The following LRRTM4 variants were observed in gnomAD, a reference collection of about 807,000 sequenced individuals.
LRRTM4 encodes leucine rich repeat transmembrane neuronal 4, also known as leucine-rich repeat transmembrane neuronal protein 4.
A neutral mutation model predicts 47.6 loss-of-function variants in LRRTM4; 25 were observed. The ratio of observed to expected loss-of-function variants is 0.53; its 90% CI spans 0.38 to 0.73. The LOEUF (loss-of-function observed/expected upper bound fraction) is 0.73, where lower values mean the gene tolerates loss of function less well. Among genes scored for constraint, LRRTM4 ranks in the 30% least tolerant of loss-of-function variants. LRRTM4 has a pLI of 0.00. For missense variants in LRRTM4, 638 were observed against 713.4 expected, an observed-to-expected ratio of 0.89 and a Z score of 1.20; for synonymous variants, 311 against 269.5, an observed-to-expected ratio of 1.15 and a Z score of -1.51.
chr2:76,903,838 G>A (rs1442898959), intron 3 of LRRTM4, among the ~76,000 whole-genome samples: 2 of 152,142 alleles, frequency 1.3e-5, no homozygotes, highest in Admixed American at 6.5e-5. Context: ...AGAAAAGGTG[G>A]TATGCTTCTT....
Position 77,064,934 on chromosome 2 carries a change from C to A in LRRTM4, c.1552-316018G>T, listed in dbSNP as rs1405639907. Among the ~76,000 whole-genome samples the A allele has an allele frequency of 2.0e-5, 3 of 152,092 alleles. No homozygotes were observed. The South Asian group carries it at 6.2e-4, about 32-fold the overall frequency. The stretch of plus-strand genomic sequence containing the variant: ...CATCTCCTACATTCTGGAGCCTGCC[C>A]ATTCCCATACAACTAGTCCTTAGAT... On this transcript the variant is annotated intron_variant, in intron 3 of 3. Coordinates refer to ENST00000409884, the MANE Select transcript of LRRTM4 (RefSeq NM_001134745.3).
intron 3 of LRRTM4, among the ~76,000 whole-genome samples, chr2:77,051,655 T>A (rs888760401): frequency 1.3e-5 from 2 of 152,152 alleles, no homozygotes; most frequent in Non-Finnish European, 2.9e-5. Context: ...TTCTCTGGGA[T>A]AGATAGTACA....
At chr2:77,521,860 TATATATATATAC>T (rs1401914930) in intron 1 of LRRTM4, 42 bp from the exon 2 acceptor site, 3 of 281,156 alleles carry the variant, frequency 1.1e-5, no homozygotes, top group Non-Finnish European at 1.9e-5. Flanking sequence ...AAAAAATACA[TATATATATATAC>T]ATATATATAT....
At chr2:77,341,725 T>G (rs1420382733) in intron 3 of LRRTM4, among the ~76,000 whole-genome samples, 1 of 152,036 alleles carries the variant, frequency 6.6e-6, no homozygotes. Flanking sequence ...TGGGGAAAAC[T>G]AGGAAGTTTA....
intron 3 of LRRTM4, among the ~76,000 whole-genome samples, chr2:76,955,534 G>C (rs937936484): frequency 6.6e-6 from 1 of 151,740 alleles, no homozygotes; most frequent in South Asian, 2.1e-4. Flanking sequence ...AGAAGCAAGA[G>C]GAGAGGGTAA....
At chr2:77,477,923 GAAAGAAAGAAAGA>G (rs1677490180) in intron 3 of LRRTM4, among the ~76,000 whole-genome samples, 3 of 82,046 alleles carry the variant, frequency 3.7e-5, no homozygotes, top group African/African-American at 1.4e-4. Flanking sequence ...AAGAAAGAAA[GAAAGAAAGAAAGA>G]AAGAAAGAAA....
At chr2:76,919,901 C>T (rs1674380720) in intron 3 of LRRTM4, among the ~76,000 whole-genome samples, 1 of 152,136 alleles carries the variant, frequency 6.6e-6, no homozygotes, top group Non-Finnish European at 1.5e-5. Context: ...TAAACAGATG[C>T]AACAGCTGCA....
At chr2:77,141,545 C>G (rs1384868716) in intron 3 of LRRTM4, among the ~76,000 whole-genome samples, 1 of 152,052 alleles carries the variant, frequency 6.6e-6, no homozygotes, top group Non-Finnish European at 1.5e-5. Flanking sequence ...GGGTGCAGCA[C>G]ACCAACATGG....
At chr2:77,507,084 C>A (rs1678804969) in intron 3 of LRRTM4, among the ~76,000 whole-genome samples, 1 of 151,834 alleles carries the variant, frequency 6.6e-6, no homozygotes, top group East Asian at 1.9e-4. Context: ...TTATAAATAA[C>A]TTTATGTTTT....
chr2:77,251,970 T>A (rs1675630061), intron 3 of LRRTM4, among the ~76,000 whole-genome samples: 1 of 152,180 alleles, frequency 6.6e-6, no homozygotes, highest in South Asian at 2.1e-4. Flanking sequence ...AGCATGAATA[T>A]GTTAATTTAA....
intron 3 of LRRTM4, among the ~76,000 whole-genome samples, chr2:77,470,705 T>C (rs891150853): frequency 1.3e-5 from 2 of 152,150 alleles, no homozygotes; most frequent in African/African-American, 2.4e-5. Context: ...CTTTAGATTT[T>C]GCTTTTGTAG....
At chr2:77,084,188 C>T (rs1425284564) in intron 3 of LRRTM4, among the ~76,000 whole-genome samples, 1 of 152,090 alleles carries the variant, frequency 6.6e-6, no homozygotes, top group Admixed American at 6.5e-5. Context: ...CTTGCGGAAA[C>T]TTTCAATGAA....
intron 3 of LRRTM4, among the ~76,000 whole-genome samples, chr2:77,472,122 T>A (rs529140075): frequency 6.6e-6 from 1 of 152,242 alleles, no homozygotes; most frequent in African/African-American, 2.4e-5. Flanking sequence ...CTTTTTACGT[T>A]TTTGTGCTTT....
At chr2:77,151,530 G>C (rs1672430593) in intron 3 of LRRTM4, among the ~76,000 whole-genome samples, 1 of 152,092 alleles carries the variant, frequency 6.6e-6, no homozygotes, top group Non-Finnish European at 1.5e-5. Flanking sequence ...AACAACCCAA[G>C]TGTTCATCAA....
At chr2:77,005,374 A>C (rs1468454671) in intron 3 of LRRTM4, among the ~76,000 whole-genome samples, 1 of 152,088 alleles carries the variant, frequency 6.6e-6, no homozygotes, top group Non-Finnish European at 1.5e-5. Flanking sequence ...TGAACTCTTG[A>C]CCTTGTAATC....
chr2:76,930,545 T>C lies in LRRTM4; in HGVS notation c.1552-181629A>G, dbSNP rs190070575. 3.6e-4 allele frequency among the ~76,000 whole-genome samples: 55 copies of C among 152,346 alleles called. 2 individuals carry two copies. The highest frequency in any genetic ancestry group is 3.6e-3 in the Admixed American group (55 of 15,306). On this transcript the variant is annotated intron_variant, in intron 3 of 3. Coordinates refer to ENST00000409884, the MANE Select transcript of LRRTM4 (RefSeq NM_001134745.3). ...TGTGCTGATGGCACCATCTGCTTTC[T>C]GCAATTCTCTCTTGGTCATTGATTT...
rs372536731 is a variant in LRRTM4, at chr2:77,007,431, A to G, written c.1552-258515T>C. On this transcript the variant is annotated intron_variant, in intron 3 of 3. Coordinates refer to ENST00000409884, the MANE Select transcript of LRRTM4 (RefSeq NM_001134745.3). ...TAAAATTTGCTGAGATATATTGGCTATATGACCAAATTTCATTCCCATGTG... is the reference window on the plus strand; with the variant it reads ...TAAAATTTGCTGAGATATATTGGCTGTATGACCAAATTTCATTCCCATGTG... Among the ~76,000 whole-genome samples the G allele has an allele frequency of 5.9e-5, 9 of 152,310 alleles. No homozygotes were observed. The East Asian group carries it at 1.2e-3, about 20-fold the overall frequency.
chr2:77,206,701 C>G (rs891297207), intron 3 of LRRTM4, among the ~76,000 whole-genome samples: 1 of 152,046 alleles, frequency 6.6e-6, no homozygotes, highest in Non-Finnish European at 1.5e-5. Context: ...CCAGGCTGGT[C>G]TCGAAATTCT....
intron 3 of LRRTM4, among the ~76,000 whole-genome samples, chr2:77,303,254 T>A (rs752748010): frequency 6.6e-6 from 1 of 151,308 alleles, no homozygotes; most frequent in Admixed American, 6.6e-5. Flanking sequence ...AGAGCGAAAC[T>A]CCATCTCAAA....
Sources: allele counts gnomAD v4.1 joint callset (sites outside exome capture counted in the v4.1 genomes callset), GRCh38; gene constraint gnomAD v4.1.1; transcripts MANE v1.5; gene names NCBI Gene and HGNC (gene_info 2026-07-23, HGNC 2026-07-21).